Variants in RBMS3 observed in about 807,000 individuals in gnomAD.
RBMS3 encodes RNA binding motif single stranded interacting protein 3.
RBMS3 carries 27 observed loss-of-function variants against 66.8 expected under a neutral mutation model. That is an observed-to-expected ratio of 0.40 (90% confidence interval 0.30 to 0.56). The LOEUF (loss-of-function observed/expected upper bound fraction) is 0.56, where lower values mean the gene tolerates loss of function less well. RBMS3 is among the 20% of genes least tolerant of loss of function. The probability of loss-of-function intolerance (pLI) is 0.40; values close to 1 mark genes in which losing one functional copy is unlikely to be tolerated. For synonymous variants in RBMS3, 188 were observed against 183.0 expected, an observed-to-expected ratio of 1.03 and a Z score of -0.22; for missense variants, 513 against 549.5, an observed-to-expected ratio of 0.93 and a Z score of 0.66.
chr3:29,487,138 T>C lies in RBMS3; in HGVS notation c.249-1303T>C, dbSNP rs147650451. 3.8e-3 allele frequency among the ~76,000 whole-genome samples: 573 copies of C among 152,224 alleles called. 4 individuals carry two copies. Among genetic ancestry groups the C allele is most frequent in the African/African-American group, 0.013 (550 of 41,546 alleles). On this transcript the variant is annotated intron_variant, in intron 2 of 14. Transcript: ENST00000383767. ...GTAGGTACGATGAATCATTGTCTAG[T>C]AAAGAGACTGTTCAAATATGATTTT...
rs2060636537 is a variant in RBMS3 at position 29,916,271 on chromosome 3, C to A, written c.939+16516C>A. On this transcript the variant is annotated intron_variant, in intron 10 of 14. Transcript: ENST00000383767. ...CTCTCCATTTACTTTTGGTGCTATA[C>A]AGATTCAATTTATTAGACAATTACT... is the stretch of plus-strand genomic sequence containing the variant. 2.0e-5 allele frequency among the ~76,000 whole-genome samples: 3 copies of A among 151,938 alleles called. No homozygotes were observed. The South Asian group carries it at 6.2e-4, about 31-fold the overall frequency.
intron 4 of RBMS3, among the ~76,000 whole-genome samples, chr3:29,694,669 G>T (rs944854876): frequency 2.6e-5 from 4 of 152,048 alleles, no homozygotes; most frequent in African/African-American, 9.6e-5. Context: ...GGTATTTCAG[G>T]ATTTGCATAT....
chr3:29,504,320 A>C (rs2044098299), intron 3 of RBMS3, among the ~76,000 whole-genome samples: 1 of 152,074 alleles, frequency 6.6e-6, no homozygotes, highest in South Asian at 2.1e-4. Flanking sequence ...ACAGGACCTT[A>C]TGAGTTTTAG....
chr3:29,647,742 T>C (rs2049982265), intron 4 of RBMS3, among the ~76,000 whole-genome samples: 1 of 152,194 alleles, frequency 6.6e-6, no homozygotes, highest in South Asian at 2.1e-4. Flanking sequence ...CACTCTGATA[T>C]AGGCATATGA....
intron 4 of RBMS3, among the ~76,000 whole-genome samples, chr3:29,667,082 CT>C (rs1297789410): frequency 6.6e-6 from 1 of 152,118 alleles, no homozygotes; most frequent in African/African-American, 2.4e-5. Flanking sequence ...TGTTTCCCTG[CT>C]GCAAAAATAT....
At chr3:29,346,297 A>G in intron 1 of RBMS3, among the ~76,000 whole-genome samples, 1 of 151,542 alleles carries the variant, frequency 6.6e-6, no homozygotes. Flanking sequence ...ATTTTTAAGT[A>G]TGCCTAAATA....
At chr3:29,593,222 T>G (rs562252343) in intron 4 of RBMS3, among the ~76,000 whole-genome samples, 23 of 152,266 alleles carry the variant, frequency 1.5e-4, no homozygotes, top group Admixed American at 4.6e-4. Flanking sequence ...AAAGTGCAAC[T>G]ATTGGCCTCA....
At chr3:29,361,119 C>T (rs1343767107) in intron 1 of RBMS3, among the ~76,000 whole-genome samples, 4 of 151,918 alleles carry the variant, frequency 2.6e-5, no homozygotes, top group Non-Finnish European at 4.4e-5. Flanking sequence ...TTGCTCGTTA[C>T]TTGAAGCAGT....
At chr3:29,410,970 A>G (rs945579577) in intron 1 of RBMS3, among the ~76,000 whole-genome samples, 4 of 151,564 alleles carry the variant, frequency 2.6e-5, no homozygotes, top group Non-Finnish European at 4.4e-5. Context: ...TTCTTCTTAA[A>G]AAAAAAAAAA....
At chr3:29,630,502 T>C (rs1316652963) in intron 4 of RBMS3, among the ~76,000 whole-genome samples, 2 of 151,932 alleles carry the variant, frequency 1.3e-5, no homozygotes, top group Non-Finnish European at 2.9e-5. Flanking sequence ...TCAATTCTTG[T>C]TGATTGCCAC....
At chr3:29,728,066 T>C (rs2053960742) in intron 4 of RBMS3, among the ~76,000 whole-genome samples, 1 of 152,158 alleles carries the variant, frequency 6.6e-6, no homozygotes, top group Non-Finnish European at 1.5e-5. Context: ...GGGACATGGA[T>C]GAAGCTGGAA....
chr3:29,562,209 G>A (rs550914892), intron 3 of RBMS3, among the ~76,000 whole-genome samples: 4 of 152,168 alleles, frequency 2.6e-5, no homozygotes, highest in Non-Finnish European at 2.9e-5. Flanking sequence ...AGAATTTAGC[G>A]TGGCTGGATG....
chr3:29,855,351 T>C (rs183065831), intron 6 of RBMS3, among the ~76,000 whole-genome samples: 5 of 152,318 alleles, frequency 3.3e-5, no homozygotes, highest in African/African-American at 1.2e-4. Context: ...CTTTTTCCTA[T>C]AAGGAAAGCT....
intron 4 of RBMS3, among the ~76,000 whole-genome samples, chr3:29,609,076 T>G (rs73046599): frequency 3.3e-5 from 5 of 152,110 alleles, no homozygotes; most frequent in Non-Finnish European, 7.4e-5. Context: ...CTGATGCTTT[T>G]ATAAAATATA....
intron 4 of RBMS3, among the ~76,000 whole-genome samples, chr3:29,646,137 T>C (rs149407301): frequency 6.6e-6 from 1 of 152,356 alleles, no homozygotes; most frequent in East Asian, 1.9e-4. Flanking sequence ...TCACATTAAA[T>C]ACAAATTCAG....
At chr3:29,832,676 C>T (rs2058403760) in intron 6 of RBMS3, among the ~76,000 whole-genome samples, 1 of 152,170 alleles carries the variant, frequency 6.6e-6, no homozygotes, top group South Asian at 2.1e-4. Flanking sequence ...TTTCTAACCC[C>T]ACCCAGGATA....
intron 4 of RBMS3, chr3:29,616,438 A>ATGG (rs1280059885): frequency 6.5e-6 from 1 of 153,712 alleles, no homozygotes; most frequent in Non-Finnish European, 1.4e-5. Flanking sequence ...ATGAGCTGAG[A>ATGG]TGGTGCCACT....
At chr3:29,577,815 G>A (rs1054272014) in intron 3 of RBMS3, among the ~76,000 whole-genome samples, 9 of 152,142 alleles carry the variant, frequency 5.9e-5, no homozygotes, top group African/African-American at 1.2e-4. Context: ...GATGCTTCAG[G>A]ACTGTCTTTC....
At chr3:29,935,519 A>G (rs187554423) in intron 10 of RBMS3, among the ~76,000 whole-genome samples, 6 of 152,258 alleles carry the variant, frequency 3.9e-5, no homozygotes, top group African/African-American at 1.2e-4. Context: ...TAGGAGGAAA[A>G]CAAATGGGAA....
Sources: gnomAD v4.1 joint callset for allele counts (sites outside exome capture counted in the v4.1 genomes callset) on GRCh38, gnomAD v4.1.1 for gene constraint, MANE v1.5 for transcripts, NCBI Gene and HGNC (gene_info 2026-07-23, HGNC 2026-07-21) for gene names.